Variants in ZDHHC21 observed in about 807,000 individuals in gnomAD.
ZDHHC21 encodes the protein palmitoyltransferase ZDHHC21.
Under a neutral mutation model 34.6 loss-of-function variants are expected in ZDHHC21, and 15 were observed. The ratio of observed to expected loss-of-function variants is 0.43; its 90% CI spans 0.29 to 0.67. The LOEUF (loss-of-function observed/expected upper bound fraction) is 0.67, where lower values mean the gene tolerates loss of function less well. Ranked by LOEUF, ZDHHC21 falls within the 30% of genes least tolerant of loss-of-function variation. The probability of loss-of-function intolerance (pLI) is 0.14; values close to 1 mark genes in which losing one functional copy is unlikely to be tolerated. For missense variants in ZDHHC21, 344 were observed against 327.7 expected (o/e 1.05, Z -0.38); for synonymous variants, 142 against 101.8 (o/e 1.40, Z -2.38).
the ZDHHC21 span, among the ~76,000 whole-genome samples, chr9:14,596,911 G>A: frequency 1.7e-4 from 26 of 152,110 alleles, no homozygotes; most frequent in African/African-American, 6.0e-4. Context: ...GAACTTCTGA[G>A]GCATGGAAGG....
chr9:14,599,004 C>T, the ZDHHC21 span, among the ~76,000 whole-genome samples: 449 of 152,294 alleles, frequency 2.9e-3, 7 homozygotes, highest in East Asian at 0.022. Flanking sequence ...CTCAAGCGAT[C>T]CTCCTGCCTT....
At chr9:14,655,958 G>C (rs1587187678) in intron 7 of ZDHHC21, among the ~76,000 whole-genome samples, 1 of 151,436 alleles carries the variant, frequency 6.6e-6, no homozygotes, top group Non-Finnish European at 1.5e-5. Flanking sequence ...GATATACCAT[G>C]AAAACACTAA....
At chr9:14,610,250 T>G (rs1011224497), downstream of ZDHHC21, among the ~76,000 whole-genome samples, 3 of 151,922 alleles carry the variant, frequency 2.0e-5, no homozygotes, top group African/African-American at 7.2e-5. Flanking sequence ...ACCAAAAAGT[T>G]TGAGAACTGT....
At chr9:14,600,030 C>CA in the ZDHHC21 span, among the ~76,000 whole-genome samples, 1 of 152,158 alleles carries the variant, frequency 6.6e-6, no homozygotes, top group Non-Finnish European at 1.5e-5. Flanking sequence ...CTATTTATGA[C>CA]AAAACCACAG....
intron 1 of ZDHHC21, 93 bp downstream of exon 1, chr9:14,693,136 G>A (rs1314575882): frequency 2.3e-5 from 5 of 222,138 alleles, no homozygotes; most frequent in East Asian, 1.9e-4. Flanking sequence ...GGGCGGGCCC[G>A]GCAGAGCGGA....
chr9:14,635,645 T>C (rs1242186852), intron 8 of ZDHHC21, among the ~76,000 whole-genome samples: 1 of 152,220 alleles, frequency 6.6e-6, no homozygotes, highest in East Asian at 1.9e-4. Context: ...TGGGACTTTA[T>C]CATCCCTAGA....
chr9:14,693,182 G>C (rs1418561049), intron 1 of ZDHHC21, 47 bp downstream of exon 1: 2 of 309,084 alleles, frequency 6.5e-6, no homozygotes, highest in East Asian at 1.7e-4. Context: ...GTGCGGATGG[G>C]GATGGGGGTG....
intron 7 of ZDHHC21, among the ~76,000 whole-genome samples, chr9:14,657,616 T>C (rs773623805): frequency 1.3e-5 from 2 of 152,060 alleles, no homozygotes; most frequent in South Asian, 2.1e-4. Flanking sequence ...CCATAGACAA[T>C]ATATAAACAA....
chr9:14,609,266 G>T (rs1357374181), downstream of ZDHHC21, among the ~76,000 whole-genome samples: 1 of 152,088 alleles, frequency 6.6e-6, no homozygotes, highest in African/African-American at 2.4e-5. Context: ...CACTTCAGGT[G>T]AATTCCAGAA....
chr9:14,630,276 T>G (rs913223985), intron 8 of ZDHHC21, among the ~76,000 whole-genome samples: 24 of 152,194 alleles, frequency 1.6e-4, no homozygotes, highest in African/African-American at 5.5e-4. Flanking sequence ...CCACAGTATC[T>G]TCATTAAGGG....
At chr9:14,594,106 A>C in the ZDHHC21 span, 1 of 152,220 alleles carries the variant, frequency 6.6e-6, no homozygotes, top group Non-Finnish European at 1.5e-5. Context: ...ATATTTGAAA[A>C]TCTGGAGAAT....
At chr9:14,646,346 T>C (rs1830277087) in intron 7 of ZDHHC21, among the ~76,000 whole-genome samples, 2 of 152,108 alleles carry the variant, frequency 1.3e-5, no homozygotes. Context: ...CATTTTACAA[T>C]ATAAAAGGTA....
intron 3 of ZDHHC21, among the ~76,000 whole-genome samples, chr9:14,676,353 C>A (rs529035478): frequency 1.3e-5 from 2 of 151,934 alleles, no homozygotes; most frequent in East Asian, 3.9e-4. Context: ...AATTGAAAAG[C>A]CTCAGGGCAC....
chr9:14,685,282 G>A (rs1340997724), intron 2 of ZDHHC21, among the ~76,000 whole-genome samples: 2 of 151,648 alleles, frequency 1.3e-5, no homozygotes, highest in Non-Finnish European at 2.9e-5. Flanking sequence ...CAGAATGGGA[G>A]AAAATTTTTG....
intron 2 of ZDHHC21, among the ~76,000 whole-genome samples, chr9:14,684,635 A>AT (rs1837985304): frequency 6.6e-6 from 1 of 151,972 alleles, no homozygotes; most frequent in Non-Finnish European, 1.5e-5. Context: ...GCCCAAGGTA[A>AT]TTTACAGATT....
At chr9:14,682,981 G>A (rs539322814) in intron 2 of ZDHHC21, among the ~76,000 whole-genome samples, 1 of 152,296 alleles carries the variant, frequency 6.6e-6, no homozygotes, top group African/African-American at 2.4e-5. Flanking sequence ...GATGTTATTT[G>A]AAACCAATGA....
chr9:14,655,386 AG>A (rs1182658839), intron 7 of ZDHHC21, among the ~76,000 whole-genome samples: 1 of 151,982 alleles, frequency 6.6e-6, no homozygotes, highest in Non-Finnish European at 1.5e-5. Flanking sequence ...AGGTATAAAG[AG>A]TACTAGAAAA....
At chr9:14,607,776 A>G (rs1312739893), downstream of ZDHHC21, among the ~76,000 whole-genome samples, 1 of 152,232 alleles carries the variant, frequency 6.6e-6, no homozygotes, top group African/African-American at 2.4e-5. Context: ...ACCTCTGAGG[A>G]GGAAAAAGAA....
chr9:14,688,469 C>G (rs535396382), intron 2 of ZDHHC21, among the ~76,000 whole-genome samples: 1 of 150,942 alleles, frequency 6.6e-6, no homozygotes, highest in Non-Finnish European at 1.5e-5. Context: ...TGCCTGTGAT[C>G]ATACCATGTT....
Sources: gnomAD v4.1 joint callset for allele counts (sites outside exome capture counted in the v4.1 genomes callset) on GRCh38, gnomAD v4.1.1 for gene constraint, MANE v1.5 for transcripts, NCBI Gene and HGNC (gene_info 2026-07-23, HGNC 2026-07-21) for gene names.